Variants in MYT1 observed in about 807,000 individuals in gnomAD.
MYT1 encodes myelin transcription factor I.
A neutral mutation model predicts 123.0 loss-of-function variants in MYT1; 23 were observed. The observed-to-expected ratio is 0.19, with a 90% CI of 0.13 to 0.26. MYT1 has a LOEUF of 0.26. Among genes scored for constraint, MYT1 ranks in the 10% least tolerant of loss-of-function variants. The pLI, the probability that MYT1 is intolerant of heterozygous loss-of-function variation, is 1.00. For missense variants in MYT1, 1,125 were observed against 1,472.5 expected (o/e 0.76, Z 3.86); for synonymous variants, 518 against 575.3 (o/e 0.90, Z 1.43).
intron 1 of MYT1, among the ~76,000 whole-genome samples, chr20:64,187,222 C>T (rs1431140668): frequency 1.4e-5 from 2 of 145,048 alleles, no homozygotes; most frequent in African/African-American, 2.6e-5. Flanking sequence ...GCCCGTGGCC[C>T]CGGCATCCAC....
At chr20:64,170,884 T>TATATATAGAGAGAGAGAG (rs1569303821) in intron 1 of MYT1, among the ~76,000 whole-genome samples, 2 of 20,008 alleles carry the variant, frequency 1.0e-4, no homozygotes, top group Non-Finnish European at 1.6e-4. Flanking sequence ...TATATATATA[T>TATATATAGAGAGAGAGAG]AGAGAGAGAG....
rs1601719008 is a variant in MYT1, at chr20:64,219,943, C to T, written c.2202C>T (p.Tyr734=). The T allele has an allele frequency of 6.5e-7, 1 of 1,536,266 alleles. No homozygotes were observed. The highest frequency in any genetic ancestry group is 1.4e-5 in the African/African-American group (1 of 72,608). Residue 734 remains tyrosine, a synonymous_variant, in exon 13 of 23, where the codon TAC becomes TAT. Transcript: ENST00000328439. ...ACGAGTGGGACCGGCCCCTGGACTA[C>T]ACCAAGCCTAGCCGCCTGAGAGAGG... The part of the protein sequence containing the change: ...RQDEWDRPLD[Y]TKPSRLREEE...
intron 19 of MYT1, among the ~76,000 whole-genome samples, chr20:64,235,458 G>A (rs1354430763): frequency 7.2e-6 from 1 of 139,772 alleles, no homozygotes; most frequent in African/African-American, 2.8e-5. Context: ...GATGGCCGCG[G>A]TGGGTGACCC....
chr20:64,235,932 G>C (rs1379807633), intron 19 of MYT1, among the ~76,000 whole-genome samples: 1 of 146,348 alleles, frequency 6.8e-6, no homozygotes, highest in Non-Finnish European at 1.5e-5. Flanking sequence ...GGCTGGCCGC[G>C]GTGGGTGACC....
chr20:64,184,128 T>C (rs1250930647), intron 1 of MYT1, among the ~76,000 whole-genome samples: 3 of 152,182 alleles, frequency 2.0e-5, no homozygotes, highest in Non-Finnish European at 4.4e-5. Flanking sequence ...CCGACAGTGT[T>C]ATTTTAACTC....
chr20:64,177,008 C>T (rs956142083), intron 1 of MYT1, among the ~76,000 whole-genome samples: 1 of 152,210 alleles, frequency 6.6e-6, no homozygotes, highest in African/African-American at 2.4e-5. Flanking sequence ...CAGTAACTGC[C>T]TGCAACATGC....
chr20:64,197,706 T>C lies in MYT1; in HGVS notation c.1-1156T>C, dbSNP rs955608082. ...TTTACTTGCCTGCCCAGATTTGTCA[T>C]GAGTGACACAGGACAAGGATGCTGT... On this transcript the variant is annotated intron_variant, in intron 2 of 22. Transcript: ENST00000328439. Among the ~76,000 whole-genome samples the C allele has an allele frequency of 1.3e-5, 2 of 152,228 alleles. 1 individual carries two copies.
intron 21 of MYT1, among the ~76,000 whole-genome samples, chr20:64,239,473 C>T (rs568826171): frequency 2.0e-5 from 3 of 152,160 alleles, no homozygotes; most frequent in East Asian, 3.9e-4. Flanking sequence ...TCCTGCACGG[C>T]GGGTTTCAGT....
Position 64,225,424 on chromosome 20 carries a change from C to T in MYT1, c.2529-1991C>T, listed in dbSNP as rs944815618. 5.3e-5 allele frequency among the ~76,000 whole-genome samples: 8 copies of T among 152,354 alleles called. No homozygotes were observed. The East Asian group carries it at 1.4e-3, about 26-fold the overall frequency. ...ATCCCAAGGGCGTTCACTCTTCCCTCCCATGTGTCTGATGTGGTCAAGGGC... is the reference window on the plus strand; with the variant it reads ...ATCCCAAGGGCGTTCACTCTTCCCTTCCATGTGTCTGATGTGGTCAAGGGC... On this transcript the variant is annotated intron_variant, in intron 16 of 22. Transcript: ENST00000328439.
chr20:64,208,623 GAC>G lies in MYT1; in HGVS notation c.1291+140_1291+141del. The stretch of plus-strand genomic sequence containing the variant: ...AAAGCAGACAAAAGGACAAATACAT[GAC>G]ACAGACTGTGGTCAGATACTGAGCA... On this transcript the variant is annotated intron_variant, in intron 7 of 22. Coordinates refer to ENST00000328439, the MANE Select transcript of MYT1 (RefSeq NM_004535.3). The surrounding 1 kb of genome is among the most constrained non-coding windows in gnomAD (Gnocchi z 5.4). 1 of 1,388,084 alleles carries G rather than the reference GAC, an allele frequency of 7.2e-7. No individual in the cohort carries two copies. The highest frequency in any genetic ancestry group is 9.5e-7 in the Non-Finnish European group (1 of 1,052,518). 86.0% of individuals were successfully genotyped at this position (1,388,084 alleles called of 1,614,324 possible). A position where few individuals can be genotyped will look rare whatever the true frequency, so the allele number is the denominator to read the frequency against.
chr20:64,176,771 G>A (rs1013929189), intron 1 of MYT1, among the ~76,000 whole-genome samples: 7 of 152,348 alleles, frequency 4.6e-5, no homozygotes, highest in East Asian at 1.9e-4. Context: ...CAGGCACCCC[G>A]GGAGGGATGA....
Position 64,190,530 on chromosome 20 carries a change from C to T in MYT1, c.-1+370C>T, listed in dbSNP as rs994482035. On this transcript the variant is annotated intron_variant, in intron 2 of 22. Transcript: ENST00000328439. This position sits in a 1 kb window ranked among gnomAD's most constrained non-coding sequence, Gnocchi z 4.1. ...CTTTACTAAAAACACAAAAATTAGC[C>T]GGGCATGGTGGCATGCGCCTGTAAT... Among the ~76,000 whole-genome samples, 4 of 147,222 alleles carry T rather than the reference C, an allele frequency of 2.7e-5. No individual in the cohort carries two copies. Among genetic ancestry groups the T allele is most frequent in the African/African-American group, 5.1e-5 (2 of 39,446 alleles).
Position 64,192,773 on chromosome 20 carries a change from G to T in MYT1, c.-1+2613G>T, listed in dbSNP as rs1232685338. Among the ~76,000 whole-genome samples the T allele has an allele frequency of 6.6e-6, 1 of 152,246 alleles. No homozygotes were observed. Among genetic ancestry groups the T allele is most frequent in the Non-Finnish European group, 1.5e-5 (1 of 68,038 alleles). ...TTCTTCCTGCCACCCAGGGCAGGAG[G>T]TGCCTCTGGCAAGGACTACTGGACA... On this transcript the variant is annotated intron_variant, in intron 2 of 22. Coordinates refer to ENST00000328439, the MANE Select transcript of MYT1 (RefSeq NM_004535.3). The surrounding 1 kb of genome is among the most constrained non-coding windows in gnomAD (Gnocchi z 5.3).
At chr20:64,178,976 CG>C (rs1329734341) in intron 1 of MYT1, among the ~76,000 whole-genome samples, 1 of 136,554 alleles carries the variant, frequency 7.3e-6, no homozygotes, top group Non-Finnish European at 1.6e-5. Flanking sequence ...AGCCGTTATT[CG>C]GTGAGATACC....
rs1176806550 is a variant in MYT1 at position 64,228,678 on chromosome 20, AACGGGTCCCCTGCACTGCCC to A, written c.2675+710_2675+729del. Among the ~76,000 whole-genome samples the A allele has an allele frequency of 9.9e-5, 15 of 152,248 alleles. 1 individual carries two copies. In the East Asian group the frequency reaches 2.9e-3, roughly 29 times the overall value. On this transcript the variant is annotated intron_variant, in intron 18 of 22. Coordinates refer to ENST00000328439, the MANE Select transcript of MYT1 (RefSeq NM_004535.3). ...TTACAAGCTTATTCTCCCAATAGGG[AACGGGTCCCCTGCACTGCCC>A]ACTTTTAGGTGGGGGGAATGCTTTG...
chr20:64,204,456 C>T (rs758663976), intron 4 of MYT1, among the ~76,000 whole-genome samples: 5 of 152,310 alleles, frequency 3.3e-5, no homozygotes, highest in Admixed American at 2.6e-4. Context: ...CTTTTCCCTG[C>T]GTGGAAGCTG....
rs1163824894 is a variant in MYT1, at chr20:64,196,586, C to T, written c.1-2276C>T. On this transcript the variant is annotated intron_variant, in intron 2 of 22. Coordinates refer to ENST00000328439, the MANE Select transcript of MYT1 (RefSeq NM_004535.3). This position sits in a 1 kb window ranked among gnomAD's most constrained non-coding sequence, Gnocchi z 4.3. ...TAAAGAGCCTGGTTTATTTTTTCTT[C>T]GGTAGTTCAGTTTTTTTCCCTTTAA... Among the ~76,000 whole-genome samples the T allele has an allele frequency of 3.3e-5, 5 of 152,292 alleles. No individual in the cohort carries two copies. The highest frequency in any genetic ancestry group is 4.8e-5 in the African/African-American group (2 of 41,566).
At position 64,218,743 on chromosome 20, in the gene MYT1, C is replaced by A. The variant is rs796405244; in HGVS notation, c.1847-168C>A. ...CTGTGCCCTGGGCCCTCCCATCCCT[C>A]CCAAAGTGCCCCCTCCCCACTGACT... On this transcript the variant is annotated intron_variant, in intron 11 of 22. Transcript: ENST00000328439. The surrounding 1 kb of genome is among the most constrained non-coding windows in gnomAD (Gnocchi z 4.0). 3 of 846,056 alleles carry A rather than the reference C, an allele frequency of 3.5e-6. No individual in the cohort carries two copies. The highest frequency in any genetic ancestry group is 5.7e-6 in the Non-Finnish European group (3 of 522,332). 52.4% of individuals were successfully genotyped at this position (846,056 alleles called of 1,614,324 possible).
intron 4 of MYT1, among the ~76,000 whole-genome samples, chr20:64,204,600 GACTGTT>G (rs1400270267): frequency 1.3e-4 from 19 of 149,046 alleles, no homozygotes; most frequent in South Asian, 1.2e-3. Context: ...GGAATGCAGA[GACTGTT>G]ACCCTCGAGG....
Sources: allele counts gnomAD v4.1 joint callset (sites outside exome capture counted in the v4.1 genomes callset), GRCh38; gene constraint gnomAD v4.1.1; non-coding constraint Gnocchi (gnomAD v3.1); transcripts MANE v1.5; gene names NCBI Gene and HGNC (gene_info 2026-07-23, HGNC 2026-07-21).